FNIP1: variants seen among roughly 807,000 people sequenced by gnomAD.
FNIP1 encodes the protein folliculin interacting protein 1.
A neutral mutation model predicts 124.5 loss-of-function variants in FNIP1; 40 were observed. That is an observed-to-expected ratio of 0.32 (90% CI 0.25 to 0.42). The LOEUF (loss-of-function observed/expected upper bound fraction) is 0.42, where lower values mean the gene tolerates loss of function less well. Among genes scored for constraint, FNIP1 ranks in the 10% least tolerant of loss-of-function variants. FNIP1 has a pLI of 1.00. For synonymous variants in FNIP1, 472 were observed against 470.6 expected (o/e 1.00, Z -0.04); for missense variants, 1,176 against 1,403.7 (o/e 0.84, Z 2.59).
At chr5:131,766,818 C>T (rs935141938) in intron 1 of FNIP1, among the ~76,000 whole-genome samples, 1 of 152,118 alleles carries the variant, frequency 6.6e-6, no homozygotes, top group Admixed American at 6.5e-5. Flanking sequence ...TTCTAATGTC[C>T]AAAGGCAGGA....
At chr5:131,780,544 C>T (rs1475265341) in intron 1 of FNIP1, among the ~76,000 whole-genome samples, 5 of 151,816 alleles carry the variant, frequency 3.3e-5, no homozygotes, top group Admixed American at 2.0e-4. Flanking sequence ...CATTTTCCAA[C>T]AGAACATGCC....
At chr5:131,783,249 A>G (rs1351884880) in intron 1 of FNIP1, among the ~76,000 whole-genome samples, 1 of 152,182 alleles carries the variant, frequency 6.6e-6, no homozygotes, top group Non-Finnish European at 1.5e-5. Context: ...TACCAGACTC[A>G]TGGTCATTAG....
At position 131,644,146 on chromosome 5, in the gene FNIP1, T is replaced by G. The variant is rs1306743138; in HGVS notation, c.*539A>C. On this transcript the variant is annotated 3_prime_UTR_variant, in exon 18 of 18. Coordinates refer to ENST00000510461, the MANE Select transcript of FNIP1 (RefSeq NM_133372.3). ...CACTTGGGTGGATAACATAACACAT[T>G]TACACTCATTATTCTGAGTTTCTTA... 6.6e-6 allele frequency: 1 copy of G among 152,432 alleles called. No homozygotes were observed. The highest frequency in any genetic ancestry group is 1.5e-5 in the Non-Finnish European group (1 of 68,120). 9.4% of individuals were successfully genotyped at this position (152,432 alleles called of 1,614,324 possible). A position where few individuals can be genotyped will look rare whatever the true frequency, so the allele number is the denominator to read the frequency against.
At chr5:131,665,905 T>A (rs1243577937) in intron 15 of FNIP1, among the ~76,000 whole-genome samples, 1 of 146,776 alleles carries the variant, frequency 6.8e-6, no homozygotes, top group African/African-American at 2.5e-5. Context: ...AATACTTTTT[T>A]TTTTTTTTTT....
chr5:131,718,372 G>A (rs1227839453), intron 5 of FNIP1, among the ~76,000 whole-genome samples: 1 of 152,052 alleles, frequency 6.6e-6, no homozygotes, highest in Admixed American at 6.6e-5. Context: ...TACCCCCAGG[G>A]GCTCTGACTA....
At chr5:131,775,108 T>C (rs1345701807) in intron 1 of FNIP1, among the ~76,000 whole-genome samples, 2 of 152,220 alleles carry the variant, frequency 1.3e-5, no homozygotes, top group African/African-American at 2.4e-5. Flanking sequence ...AAAATACTTA[T>C]GATCAAAGAA....
intron 2 of FNIP1, among the ~76,000 whole-genome samples, chr5:131,743,719 C>T (rs1366088164): frequency 6.6e-6 from 1 of 152,160 alleles, no homozygotes; most frequent in African/African-American, 2.4e-5. Context: ...GAAGAGTTCT[C>T]TTGCCTTCTT....
chr5:131,654,702 C>T (rs1767140325), intron 15 of FNIP1, among the ~76,000 whole-genome samples: 1 of 151,984 alleles, frequency 6.6e-6, no homozygotes, highest in African/African-American at 2.4e-5. Flanking sequence ...AGGACTATGA[C>T]ATTGAAGTGT....
At chr5:131,668,096 T>C (rs543013075) in intron 15 of FNIP1, among the ~76,000 whole-genome samples, 9 of 152,326 alleles carry the variant, frequency 5.9e-5, no homozygotes, top group Middle Eastern at 3.4e-3. Context: ...AAGACTATTA[T>C]CTAAAGGTTA....
chr5:131,751,518 A>T (rs1272396394), intron 1 of FNIP1, among the ~76,000 whole-genome samples: 5 of 152,094 alleles, frequency 3.3e-5, no homozygotes, highest in Non-Finnish European at 7.4e-5. Flanking sequence ...TCCCTAAGTA[A>T]ATGTAATATC....
Position 131,643,187 on chromosome 5 carries a change from T to C in FNIP1, c.*1498A>G, listed in dbSNP as rs1766767172. On this transcript the variant is annotated 3_prime_UTR_variant, in exon 18 of 18. Coordinates refer to ENST00000510461, the MANE Select transcript of FNIP1 (RefSeq NM_133372.3). Reference sequence around the variant, plus strand: ...TTTTCTTTGTCTAGTTGGAAGTCTCTTGAATACATACACAGCAAGGCAAAA... The same window carrying C: ...TTTTCTTTGTCTAGTTGGAAGTCTCCTGAATACATACACAGCAAGGCAAAA... The C allele has an allele frequency of 6.6e-6, 1 of 152,338 alleles. No individual in the cohort carries two copies. Among genetic ancestry groups the C allele is most frequent in the African/African-American group, 2.4e-5 (1 of 41,448 alleles). 9.4% of individuals were successfully genotyped at this position (152,338 alleles called of 1,614,324 possible). A position where few individuals can be genotyped will look rare whatever the true frequency, so the allele number is the denominator to read the frequency against.
In FNIP1 at chr5:131,644,601, A is replaced by G; in HGVS notation, c.*84T>C. The G allele has an allele frequency of 8.3e-7, 1 of 1,211,376 alleles. No individual in the cohort carries two copies. The highest frequency in any genetic ancestry group is 1.2e-6 in the Non-Finnish European group (1 of 824,974). The allele number at this position is 1,211,376 out of a possible 1,614,324, so 75.0% of individuals were successfully genotyped here. A position where few individuals can be genotyped will look rare whatever the true frequency, so the allele number is the denominator to read the frequency against. On this transcript the variant is annotated 3_prime_UTR_variant, in exon 18 of 18. Coordinates refer to ENST00000510461, the MANE Select transcript of FNIP1 (RefSeq NM_133372.3). Reference sequence around the variant, plus strand: ...ATTCAGATGGAAGTCTAAAAGGGAAAAAGAATCTCCATAAATGCATGTTGT... The same window carrying G: ...ATTCAGATGGAAGTCTAAAAGGGAAGAAGAATCTCCATAAATGCATGTTGT...
At chr5:131,645,167 T>C (rs1269086641) in intron 17 of FNIP1, among the ~76,000 whole-genome samples, 1 of 151,924 alleles carries the variant, frequency 6.6e-6, no homozygotes, top group East Asian at 1.9e-4. Flanking sequence ...AAAAAAATTT[T>C]AAAAACTAGC....
chr5:131,732,117 G>C (rs1770114767), intron 2 of FNIP1, among the ~76,000 whole-genome samples: 1 of 152,126 alleles, frequency 6.6e-6, no homozygotes, highest in African/African-American at 2.4e-5. Flanking sequence ...AACTACCAAA[G>C]TTACAATCCA....
intron 8 of FNIP1, among the ~76,000 whole-genome samples, chr5:131,706,872 T>C (rs1387934928): frequency 1.3e-5 from 2 of 152,240 alleles, no homozygotes; most frequent in Non-Finnish European, 2.9e-5. Context: ...TGAATCCTTT[T>C]AGTTCTTAAA....
intron 1 of FNIP1, among the ~76,000 whole-genome samples, chr5:131,765,029 C>G (rs1771372225): frequency 6.6e-6 from 1 of 152,072 alleles, no homozygotes; most frequent in South Asian, 2.1e-4. Flanking sequence ...TCAAGACCAG[C>G]CTGGGCAACA....
intron 1 of FNIP1, among the ~76,000 whole-genome samples, chr5:131,747,938 G>A (rs1428812761): frequency 6.6e-6 from 1 of 152,022 alleles, no homozygotes; most frequent in Non-Finnish European, 1.5e-5. Context: ...GAAAGCATTA[G>A]CTCAAAGAAA....
intron 3 of FNIP1, among the ~76,000 whole-genome samples, chr5:131,726,809 A>C (rs1400970426): frequency 6.6e-6 from 1 of 152,090 alleles, no homozygotes; most frequent in South Asian, 2.1e-4. Flanking sequence ...TAGTGCTATA[A>C]ATTTCCCTCT....
At chr5:131,711,412 GAA>G (rs1769287683) in intron 6 of FNIP1, among the ~76,000 whole-genome samples, 1 of 152,208 alleles carries the variant, frequency 6.6e-6, no homozygotes, top group African/African-American at 2.4e-5. Context: ...TATGCTTCAT[GAA>G]AATAGTCTAA....
Sources: gnomAD v4.1 joint callset for allele counts (sites outside exome capture counted in the v4.1 genomes callset) on GRCh38, gnomAD v4.1.1 for gene constraint, MANE v1.5 for transcripts, NCBI Gene and HGNC (gene_info 2026-07-23, HGNC 2026-07-21) for gene names.